ALK: variants seen among roughly 807,000 people sequenced by gnomAD.
ALK encodes the protein ALK tyrosine kinase receptor.
A neutral mutation model predicts 163.1 loss-of-function variants in ALK; 74 were observed. That is an observed-to-expected ratio of 0.45 (90% CI 0.38 to 0.55). ALK has a LOEUF of 0.55. Among genes scored for constraint, ALK ranks in the 20% least tolerant of loss-of-function variants. ALK has a pLI of 0.00. For synonymous variants in ALK, 960 were observed against 843.2 expected (o/e 1.14, Z -2.40); for missense variants, 2,063 against 2,105.3 (o/e 0.98, Z 0.39).
chr2:29,385,092 A>G (rs1668999087), intron 4 of ALK, among the ~76,000 whole-genome samples: 2 of 149,448 alleles, frequency 1.3e-5, no homozygotes, highest in Non-Finnish European at 3.0e-5. Flanking sequence ...TTATTTATAC[A>G]TCTATGAAAT....
intron 3 of ALK, among the ~76,000 whole-genome samples, chr2:29,649,563 C>A (rs1227451842): frequency 6.6e-6 from 1 of 152,114 alleles, no homozygotes; most frequent in Non-Finnish European, 1.5e-5. Flanking sequence ...ACAGATTTTT[C>A]TCTGGGGCAT....
At chr2:29,573,619 T>G (rs1299711235) in intron 3 of ALK, among the ~76,000 whole-genome samples, 2 of 152,226 alleles carry the variant, frequency 1.3e-5, no homozygotes, top group Non-Finnish European at 2.9e-5. Context: ...TTCATACACG[T>G]ATCATTCATG....
chr2:29,875,590 T>C (rs1170469434), intron 1 of ALK, among the ~76,000 whole-genome samples: 1 of 152,076 alleles, frequency 6.6e-6, no homozygotes, highest in Non-Finnish European at 1.5e-5. Flanking sequence ...CCTTGTCCCC[T>C]ACCCCCGACA....
intron 9 of ALK, among the ~76,000 whole-genome samples, chr2:29,289,935 T>G (rs995355360): frequency 2.6e-5 from 4 of 152,190 alleles, no homozygotes; most frequent in Non-Finnish European, 5.9e-5. Context: ...AGGACTCGTG[T>G]TCTGTGATGC....
chr2:29,693,523 A>C (rs2148288449), intron 3 of ALK, among the ~76,000 whole-genome samples: 1 of 152,270 alleles, frequency 6.6e-6, no homozygotes, highest in East Asian at 1.9e-4. Flanking sequence ...CCATCCCAAA[A>C]CAGTTATAAA....
intron 1 of ALK, among the ~76,000 whole-genome samples, chr2:29,812,035 G>C (rs1664773347): frequency 6.6e-6 from 1 of 152,158 alleles, no homozygotes; most frequent in South Asian, 2.1e-4. Context: ...CAGTAATTCA[G>C]GTTCTTCATG....
At chr2:29,730,977 C>T (rs886960774) in intron 1 of ALK, among the ~76,000 whole-genome samples, 5 of 152,190 alleles carry the variant, frequency 3.3e-5, no homozygotes, top group Non-Finnish European at 5.9e-5. Flanking sequence ...ACAATAGAGA[C>T]GTTGGCCTCA....
chr2:29,553,359 C>A (rs569735608), intron 3 of ALK, among the ~76,000 whole-genome samples: 68 of 152,328 alleles, frequency 4.5e-4, no homozygotes, highest in African/African-American at 1.3e-3. Flanking sequence ...TGATGTTGAA[C>A]TTTGCAGCTT....
chr2:29,331,574 T>C (rs192113429), intron 5 of ALK, among the ~76,000 whole-genome samples: 2 of 152,348 alleles, frequency 1.3e-5, no homozygotes, highest in East Asian at 3.9e-4. Context: ...CTATCATTCA[T>C]GTCCTCTTGG....
At chr2:29,425,236 G>T (rs747863595) in intron 4 of ALK, among the ~76,000 whole-genome samples, 2 of 152,166 alleles carry the variant, frequency 1.3e-5, no homozygotes, top group Non-Finnish European at 2.9e-5. Context: ...ACCATGACCT[G>T]CTCTCTCTTT....
At chr2:29,230,532 T>A (rs1287290386) in intron 15 of ALK, among the ~76,000 whole-genome samples, 6 of 152,134 alleles carry the variant, frequency 3.9e-5, no homozygotes. Flanking sequence ...TGGCCCAGAT[T>A]CTTTGGGACC....
At chr2:29,472,941 T>C (rs1008687451) in intron 4 of ALK, among the ~76,000 whole-genome samples, 7 of 152,244 alleles carry the variant, frequency 4.6e-5, no homozygotes, top group African/African-American at 1.7e-4. Context: ...TCCTCAAATC[T>C]GTAGATTAAA....
chr2:29,267,420 G>C (rs942379549), intron 11 of ALK, among the ~76,000 whole-genome samples: 4 of 152,144 alleles, frequency 2.6e-5, no homozygotes, highest in Non-Finnish European at 1.5e-5. Context: ...CTGTGTTTAC[G>C]GTCATTTGTT....
chr2:29,665,088 C>A (rs113487553), intron 3 of ALK, among the ~76,000 whole-genome samples: 21 of 150,760 alleles, frequency 1.4e-4, no homozygotes, highest in African/African-American at 5.1e-4. Flanking sequence ...GCAGCCTTGA[C>A]CTCCTGGGCT....
intron 4 of ALK, among the ~76,000 whole-genome samples, chr2:29,443,089 G>A (rs147743544): frequency 9.3e-4 from 141 of 152,328 alleles, no homozygotes; most frequent in African/African-American, 3.3e-3. Context: ...ATTTGAGGGC[G>A]TCCTTTCCCA....
intron 4 of ALK, among the ~76,000 whole-genome samples, chr2:29,484,959 G>GT (rs1011917397): frequency 8.6e-5 from 13 of 151,852 alleles, no homozygotes; most frequent in Middle Eastern, 3.4e-3. Context: ...AGCTTTTAGT[G>GT]TTTTTTTTCT....
intron 1 of ALK, among the ~76,000 whole-genome samples, chr2:29,815,624 A>G (rs1028439049): frequency 1.3e-5 from 2 of 152,184 alleles, no homozygotes; most frequent in African/African-American, 4.8e-5. Context: ...CCTGGAATCA[A>G]CTGTTTTAAT....
At chr2:29,864,898 A>T (rs977485391) in intron 1 of ALK, among the ~76,000 whole-genome samples, 1 of 152,170 alleles carries the variant, frequency 6.6e-6, no homozygotes, top group Non-Finnish European at 1.5e-5. Flanking sequence ...TGCAAGTCAC[A>T]TTGTGATGAC....
rs572663021 is a variant in ALK at position 29,837,445 on chromosome 2, A to G, written c.667+82548T>C. 3.3e-5 allele frequency among the ~76,000 whole-genome samples: 5 copies of G among 152,324 alleles called. No homozygotes were observed. In the South Asian group the frequency reaches 1.0e-3, roughly 32 times the overall value. The stretch of plus-strand genomic sequence containing the variant: ...ATACTGTGCTGCACATGTGCAGTAT[A>G]AGACTTCACAGAGCCAGGAAAATAT... On this transcript the variant is annotated intron_variant, in intron 1 of 28. Coordinates refer to ENST00000389048, the MANE Select transcript of ALK (RefSeq NM_004304.5).
Sources: allele counts gnomAD v4.1 joint callset (sites outside exome capture counted in the v4.1 genomes callset), GRCh38; gene constraint gnomAD v4.1.1; transcripts MANE v1.5; gene names NCBI Gene and HGNC (gene_info 2026-07-23, HGNC 2026-07-21).